The following PKD1L3 variants were observed in gnomAD, a reference collection of about 807,000 sequenced individuals.
PKD1L3 encodes the protein polycystin 1 like 3, transient receptor potential channel interacting, also known as polycystin-1-like protein 3.
In PKD1L3, 239 loss-of-function variants were observed where a neutral mutation model predicts 184.1. That is an observed-to-expected ratio of 1.30 (90% confidence interval 1.17 to 1.45). The LOEUF (loss-of-function observed/expected upper bound fraction) is 1.45, where lower values mean the gene tolerates loss of function less well. Ranked by LOEUF, PKD1L3 falls within the 40% of genes most tolerant of loss-of-function variation. PKD1L3 has a pLI of 0.00. For missense variants in PKD1L3, 2,660 were observed against 2,067.2 expected (o/e 1.29, Z -5.56); for synonymous variants, 996 against 778.8 (o/e 1.28, Z -4.64).
chr16:71,936,075 C>T (rs530087942), intron 25 of PKD1L3, among the ~76,000 whole-genome samples: 49 of 151,920 alleles, frequency 3.2e-4, no homozygotes, highest in African/African-American at 1.1e-3. Flanking sequence ...GGATTACAGG[C>T]GTGAGCCACC....
At chr16:71,998,468 T>G in intron 1 of PKD1L3, 74 bp from the exon 2 acceptor site, 7 of 1,494,016 alleles carry the variant, frequency 4.7e-6, no homozygotes, top group Non-Finnish European at 6.2e-6. Context: ...TATTATTGTT[T>G]TTGAGACAGT....
chr16:71,930,108 T>G lies in PKD1L3; in HGVS notation c.5002A>C (p.Asn1668His). Residue 1668 changes from asparagine (N) to histidine (H), a missense_variant, in exon 29 of 30, where the codon AAT (asparagine) becomes CAT (histidine). Physicochemically the swap from Asn to His is moderately conservative, Grantham distance 68 (BLOSUM62 1). Transcript: ENST00000620267. ...SVILMVLVVI[N>H]LFVSAILMAF... ...ATGAGAATGGCCGAAACGAAAAGAT[T>G]AATTACCACAAGTACCATCAAGATG... 2 of 1,551,588 alleles carry G rather than the reference T, an allele frequency of 1.3e-6. No individual in the cohort carries two copies. The highest frequency in any genetic ancestry group is 2.4e-5 in the South Asian group (2 of 84,056).
chr16:71,992,307 T>C lies in PKD1L3; in HGVS notation c.535+909A>G, dbSNP rs2040618794. Among the ~76,000 whole-genome samples the C allele has an allele frequency of 3.3e-5, 5 of 152,252 alleles. No individual in the cohort carries two copies. The South Asian group carries it at 8.3e-4, about 25-fold the overall frequency. ...TTTAAAAAGTATTCCTGGGGCAAGC[T>C]TGACAATATAAACTTAAAGGATATA... On this transcript the variant is annotated intron_variant, in intron 3 of 29. Coordinates refer to ENST00000620267, the MANE Select transcript of PKD1L3 (RefSeq NM_181536.2).
Position 71,979,667 on chromosome 16 carries a change from ACTCT to A in PKD1L3, c.1398+115_1398+118del, listed in dbSNP as rs541130633. 7.6e-4 allele frequency: 924 copies of A among 1,212,048 alleles called. 4 individuals carry two copies. Among genetic ancestry groups the A allele is most frequent in the Middle Eastern group, 5.4e-3 (27 of 5,004 alleles). 75.1% of individuals were successfully genotyped at this position (1,212,048 alleles called of 1,614,324 possible). A position where few individuals can be genotyped will look rare whatever the true frequency, so the allele number is the denominator to read the frequency against. On this transcript the variant is annotated intron_variant, in intron 9 of 29. Transcript: ENST00000620267. ...TAAAATAAAAATGAATGCTACATAA[ACTCT>A]CTCATCTGATCTGGTCTGTTCAGTT...
Position 71,944,112 on chromosome 16 carries a change from G to A in PKD1L3, c.3777C>T (p.Ala1259=). ...GCTTAGTTGGACTATTTATAGCTGG[G>A]GCTACATAGACGGGGTTGTTCTTAT... ...SRDKNNPVYV[A]PAINSPTKHP... is the part of the protein sequence containing the mutation. The change falls in exon 23 of 30, where the codon GCC becomes GCT. Residue 1259 remains alanine, a synonymous_variant. Transcript: ENST00000620267. 1 of 1,551,444 alleles carries A rather than the reference G, an allele frequency of 6.4e-7. No homozygotes were observed.
At chr16:71,999,663 C>T (rs1346336133) in intron 1 of PKD1L3, 21 bp downstream of exon 1, 11 of 1,472,646 alleles carry the variant, frequency 7.5e-6, no homozygotes, top group East Asian at 5.1e-5. Context: ...CCTTCATAAA[C>T]ACTGAACCCC....
chr16:71,963,122 G>C (rs1028084922), intron 16 of PKD1L3, 83 bp downstream of exon 16: 1 of 1,308,958 alleles, frequency 7.6e-7, no homozygotes, highest in African/African-American at 1.5e-5. Flanking sequence ...ATGTTAATTT[G>C]CATTAAAAAC....
At chr16:71,944,965 A>T (rs1315161758) in intron 22 of PKD1L3, among the ~76,000 whole-genome samples, 3 of 151,722 alleles carry the variant, frequency 2.0e-5, no homozygotes, top group Non-Finnish European at 4.4e-5. Flanking sequence ...CTCTTAAAAA[A>T]AAATTAAAAC....
intron 4 of PKD1L3, among the ~76,000 whole-genome samples, chr16:71,989,397 C>G (rs889015309): frequency 2.6e-5 from 4 of 152,224 alleles, no homozygotes; most frequent in African/African-American, 9.6e-5. Context: ...AGGTGATCCG[C>G]CCGCCTCGGC....
rs66523761 is a variant in PKD1L3, at chr16:71,983,659, C to CTTTTTTTTTTTTT, written c.966+376_966+377insAAAAAAAAAAAAA. Among the ~76,000 whole-genome samples the CTTTTTTTTTTTTT allele has an allele frequency of 2.9e-4, 27 of 92,434 alleles. 10 individuals are homozygous for CTTTTTTTTTTTTT. The highest frequency in any genetic ancestry group is 8.4e-4 in the South Asian group (2 of 2,370). The allele number at this position is 92,434 out of a possible 152,430, so 60.6% of individuals were successfully genotyped here. A position where few individuals can be genotyped will look rare whatever the true frequency, so the allele number is the denominator to read the frequency against. On this transcript the variant is annotated intron_variant, in intron 6 of 29. Transcript: ENST00000620267. ...GCATAAGGCACAATCTCCAGATTCTCTTTCTTTTTTTTTTTTTTTTTTTTT... is the reference window on the plus strand; with the variant it reads ...GCATAAGGCACAATCTCCAGATTCTCTTTTTTTTTTTTTTTTCTTTTTTTTTTTTTTTTTTTTT...
chr16:71,960,455 A>G (rs77241612), intron 16 of PKD1L3, among the ~76,000 whole-genome samples: 3 of 152,160 alleles, frequency 2.0e-5, no homozygotes, highest in Admixed American at 6.5e-5. Flanking sequence ...AATAGAAATA[A>G]TATCAGTATG....
intron 2 of PKD1L3, among the ~76,000 whole-genome samples, chr16:71,998,026 C>T (rs539930560): frequency 6.6e-6 from 1 of 152,306 alleles, no homozygotes; most frequent in East Asian, 1.9e-4. Context: ...CTCCCACACT[C>T]TGCCCAAGTC....
At chr16:71,997,274 G>A (rs1054528825) in intron 2 of PKD1L3, among the ~76,000 whole-genome samples, 9 of 151,250 alleles carry the variant, frequency 6.0e-5, no homozygotes, top group African/African-American at 2.2e-4. Context: ...TCAGTTGTAT[G>A]GTAGTTGTTT....
At chr16:71,965,864 G>A (rs573510426) in intron 15 of PKD1L3, among the ~76,000 whole-genome samples, 57 of 152,174 alleles carry the variant, frequency 3.7e-4, no homozygotes, top group African/African-American at 1.1e-3. Context: ...TTTTGTGAGA[G>A]TTTTTAATTT....
chr16:71,937,710 C>G (rs756964347), intron 24 of PKD1L3, among the ~76,000 whole-genome samples: 8 of 152,154 alleles, frequency 5.3e-5, no homozygotes, highest in Non-Finnish European at 1.0e-4. Context: ...AGATGTTACC[C>G]TATCCATGTC....
At chr16:71,975,958 T>C (rs72803735) in intron 11 of PKD1L3, among the ~76,000 whole-genome samples, 261 of 40,314 alleles carry the variant, frequency 6.5e-3, no homozygotes, top group Middle Eastern at 0.013. Flanking sequence ...GTTTCTGTTC[T>C]TTTTTTTTTT....
At position 71,998,299 on chromosome 16, in the gene PKD1L3, G is replaced by A; in HGVS notation, c.391C>T (p.Leu131=). The A allele has an allele frequency of 3.2e-6, 5 of 1,552,202 alleles. No individual in the cohort carries two copies. The highest frequency in any genetic ancestry group is 4.4e-6 in the Non-Finnish European group (5 of 1,147,084). Residue 131 remains leucine (L), a synonymous_variant, in exon 2 of 30, where the codon CTG becomes TTG. Transcript: ENST00000620267. ...RISSKGDKCL[L]KYYFICQTGD... is the part of the protein sequence containing the mutation. ...GTCTGGCAAATGAAATAGTATTTCA[G>A]TAAGCACTTGTCCCCTTTGGATGAG...
chr16:71,933,613 G>C, intron 27 of PKD1L3, 92 bp from the exon 28 acceptor site: 1 of 964,184 alleles, frequency 1.0e-6, no homozygotes, highest in South Asian at 1.5e-5. Flanking sequence ...TAGAAGCAAT[G>C]GAACAGAAAT....
At chr16:71,963,004 A>G (rs547626154) in intron 16 of PKD1L3, among the ~76,000 whole-genome samples, 1 of 152,282 alleles carries the variant, frequency 6.6e-6, no homozygotes, top group Non-Finnish European at 1.5e-5. Context: ...TATAATTTTT[A>G]TACTTCGAAT....
Sources: gnomAD v4.1 joint callset for allele counts (sites outside exome capture counted in the v4.1 genomes callset) on GRCh38, gnomAD v4.1.1 for gene constraint, MANE v1.5 for transcripts, NCBI Gene and HGNC (gene_info 2026-07-23, HGNC 2026-07-21) for gene names.